Variants in ENTHD1 observed in about 807,000 individuals in gnomAD.
ENTHD1 encodes the protein ENTH domain-containing protein 1.
ENTHD1 carries 23 observed loss-of-function variants against 39.1 expected under a neutral mutation model. That is an observed-to-expected ratio of 0.59 (90% CI 0.42 to 0.83). The LOEUF is 0.83. ENTHD1 is among the 40% of genes least tolerant of loss of function. The probability of loss-of-function intolerance (pLI) is 0.00; values close to 1 mark genes in which losing one functional copy is unlikely to be tolerated. For synonymous variants in ENTHD1, 230 were observed against 258.2 expected, an observed-to-expected ratio of 0.89 and a Z score of 1.05; for missense variants, 624 against 705.4, an observed-to-expected ratio of 0.88 and a Z score of 1.31.
intron 3 of ENTHD1, among the ~76,000 whole-genome samples, chr22:39,837,618 C>T (rs1378045186): frequency 1.3e-5 from 2 of 152,162 alleles, no homozygotes; most frequent in South Asian, 2.1e-4. Context: ...GTATTTTGGT[C>T]CACACCAGCA....
intron 2 of ENTHD1, among the ~76,000 whole-genome samples, chr22:39,876,464 G>A (rs1336046246): frequency 1.5e-4 from 22 of 150,022 alleles, no homozygotes; most frequent in African/African-American, 4.4e-4. Flanking sequence ...CGTCAGGGAC[G>A]CAGATTCTGC....
chr22:39,796,529 C>A (rs1417568063), intron 5 of ENTHD1, among the ~76,000 whole-genome samples: 1 of 152,142 alleles, frequency 6.6e-6, no homozygotes, highest in East Asian at 1.9e-4. Context: ...TTTGGCTTCC[C>A]AAAGTGCTGA....
intron 2 of ENTHD1, among the ~76,000 whole-genome samples, chr22:39,881,609 C>T (rs1453421160): frequency 6.6e-6 from 1 of 152,142 alleles, no homozygotes; most frequent in Non-Finnish European, 1.5e-5. Flanking sequence ...ATATAAAAGG[C>T]AAAATGTCCC....
At chr22:39,817,424 G>T (rs758781632) in intron 5 of ENTHD1, among the ~76,000 whole-genome samples, 1 of 152,186 alleles carries the variant, frequency 6.6e-6, no homozygotes, top group African/African-American at 2.4e-5. Context: ...GACATACACC[G>T]AAGGATAGTC....
chr22:39,804,634 G>A (rs1035139403), intron 5 of ENTHD1, among the ~76,000 whole-genome samples: 4 of 152,014 alleles, frequency 2.6e-5, no homozygotes, highest in South Asian at 2.1e-4. Context: ...GCTGGGTACC[G>A]TGTTAGGAAC....
At chr22:39,838,031 C>A (rs1325631404) in intron 3 of ENTHD1, among the ~76,000 whole-genome samples, 1 of 152,060 alleles carries the variant, frequency 6.6e-6, no homozygotes, top group Non-Finnish European at 1.5e-5. Context: ...TTGAATGAAC[C>A]AAATCTGAGG....
At chr22:39,842,074 T>C (rs1444327035) in intron 3 of ENTHD1, among the ~76,000 whole-genome samples, 1 of 151,900 alleles carries the variant, frequency 6.6e-6, no homozygotes, top group Non-Finnish European at 1.5e-5. Context: ...CCCCACTCTC[T>C]TCTGGCTTGT....
intron 5 of ENTHD1, among the ~76,000 whole-genome samples, chr22:39,816,818 AC>A (rs2065737025): frequency 6.6e-6 from 1 of 152,098 alleles, no homozygotes; most frequent in African/African-American, 2.4e-5. Context: ...CTACAAAGAC[AC>A]CATTAAGAAA....
chr22:39,893,644 T>C (rs2066447870), intron 1 of ENTHD1, 51 bp downstream of exon 1: 1 of 152,138 alleles, frequency 6.6e-6, no homozygotes. Flanking sequence ...GCAACCGATG[T>C]TTCCAGACCC....
At chr22:39,808,454 C>G (rs2065660951) in intron 5 of ENTHD1, among the ~76,000 whole-genome samples, 1 of 152,332 alleles carries the variant, frequency 6.6e-6, no homozygotes, top group Non-Finnish European at 1.5e-5. Flanking sequence ...GGATGAATAA[C>G]TTACCCTTTG....
At chr22:39,783,147 AAAAG>A (rs2065424114) in intron 5 of ENTHD1, among the ~76,000 whole-genome samples, 1 of 152,154 alleles carries the variant, frequency 6.6e-6, no homozygotes, top group African/African-American at 2.4e-5. Context: ...CACAACCTGA[AAAAG>A]AAATCATAAA....
intron 5 of ENTHD1, among the ~76,000 whole-genome samples, chr22:39,816,496 C>T (rs929366964): frequency 2.6e-5 from 4 of 151,952 alleles, no homozygotes; most frequent in Non-Finnish European, 4.4e-5. Context: ...CAGACCAGAA[C>T]AAGAAAAGTG....
chr22:39,765,208 GT>G lies in ENTHD1; in HGVS notation c.1219+14del. 1.3e-6 allele frequency: 2 copies of G among 1,562,982 alleles called. No individual in the cohort carries two copies. The highest frequency in any genetic ancestry group is 1.7e-6 in the Non-Finnish European group (2 of 1,154,314). On this transcript the variant is annotated intron_variant, in intron 6 of 6. Transcript: ENST00000325157. ...TGTGTGTGTGTGTGTGTGTGTGTGT[GT>G]TTGGCAGACTCACCCCGTGTGGTTG...
chr22:39,849,829 T>C (rs1262789558), intron 3 of ENTHD1, among the ~76,000 whole-genome samples: 1 of 152,202 alleles, frequency 6.6e-6, no homozygotes, highest in Admixed American at 6.5e-5. Flanking sequence ...CGTTTACAAA[T>C]GATGCTCGTT....
chr22:39,861,277 C>T (rs1427067475), intron 3 of ENTHD1, among the ~76,000 whole-genome samples: 6 of 152,198 alleles, frequency 3.9e-5, no homozygotes, highest in African/African-American at 1.2e-4. Context: ...CAGTGGCTCA[C>T]GCCTATAATC....
intron 2 of ENTHD1, among the ~76,000 whole-genome samples, chr22:39,876,506 G>A (rs1296244205): frequency 3.4e-5 from 5 of 147,874 alleles, no homozygotes; most frequent in East Asian, 1.9e-4. Flanking sequence ...TAAAATTAAC[G>A]GGTCATCTAA....
chr22:39,786,452 A>G (rs1045965907), intron 5 of ENTHD1, among the ~76,000 whole-genome samples: 12 of 152,176 alleles, frequency 7.9e-5, no homozygotes, highest in African/African-American at 2.7e-4. Context: ...AGAGTGGCTG[A>G]CGTGGAATGG....
intron 5 of ENTHD1, among the ~76,000 whole-genome samples, chr22:39,792,363 C>T (rs2065511474): frequency 6.6e-6 from 1 of 152,126 alleles, no homozygotes; most frequent in Non-Finnish European, 1.5e-5. Context: ...ACCTCTGAGA[C>T]TTTAGACTCC....
intron 5 of ENTHD1, among the ~76,000 whole-genome samples, chr22:39,769,770 G>C (rs566029160): frequency 9.9e-5 from 15 of 152,268 alleles, no homozygotes; most frequent in African/African-American, 3.4e-4. Context: ...GGAATAAAAA[G>C]GCACCAACCA....
Sources: allele counts gnomAD v4.1 joint callset (sites outside exome capture counted in the v4.1 genomes callset), GRCh38; gene constraint gnomAD v4.1.1; transcripts MANE v1.5; gene names NCBI Gene and HGNC (gene_info 2026-07-23, HGNC 2026-07-21).